TFAP2D: variants seen among roughly 807,000 people sequenced by gnomAD.
The protein encoded by TFAP2D is transcription factor AP-2-delta.
In TFAP2D, 9 loss-of-function variants were observed where a neutral mutation model predicts 43.6. That is an observed-to-expected ratio of 0.21 (90% CI 0.12 to 0.36). The LOEUF is 0.36. TFAP2D is among the 10% of genes least tolerant of loss of function. TFAP2D has a pLI of 1.00. For synonymous variants in TFAP2D, 256 were observed against 224.9 expected, an observed-to-expected ratio of 1.14 and a Z score of -1.24; for missense variants, 513 against 561.4, an observed-to-expected ratio of 0.91 and a Z score of 0.87.
chr6:50,763,567 G>A (rs1769398482), intron 7 of TFAP2D, among the ~76,000 whole-genome samples: 3 of 152,062 alleles, frequency 2.0e-5, no homozygotes, highest in Non-Finnish European at 4.4e-5. Context: ...AATCCATGCA[G>A]CATTTCAGTG....
rs370679010 is a variant in TFAP2D at position 50,715,226 on chromosome 6, C to A, written c.150C>A (p.Thr50=). ...YSSSSPLTYS[T]TGTEFASPYF... ...CCTCCTCTCCTTTAACTTACTCCAC[C>A]ACCGGCACCGAGTTTGCGTCCCCCT... The change falls in exon 2 of 8, where the codon ACC becomes ACA. Residue 50 remains threonine, a synonymous_variant. Coordinates refer to ENST00000008391, the MANE Select transcript of TFAP2D (RefSeq NM_172238.4). 8.1e-6 allele frequency: 13 copies of A among 1,614,074 alleles called. No individual in the cohort carries two copies. The highest frequency in any genetic ancestry group is 1.7e-5 in the Admixed American group (1 of 60,016).
At chr6:50,716,452 AAG>A (rs1167851520) in intron 2 of TFAP2D, among the ~76,000 whole-genome samples, 3 of 140,512 alleles carry the variant, frequency 2.1e-5, no homozygotes, top group Non-Finnish European at 4.8e-5. Context: ...GGAAGGAAGG[AAG>A]GAGAAAAGGA....
chr6:50,749,639 T>C (rs1769172469), intron 6 of TFAP2D, among the ~76,000 whole-genome samples: 1 of 151,846 alleles, frequency 6.6e-6, no homozygotes. Flanking sequence ...TATGATATAC[T>C]CCTCAAAATG....
intron 5 of TFAP2D, among the ~76,000 whole-genome samples, chr6:50,729,734 T>A (rs1015530963): frequency 2.0e-5 from 3 of 152,268 alleles, no homozygotes; most frequent in African/African-American, 4.8e-5. Context: ...GGTCTAGGCA[T>A]GATACTGAGC....
intron 3 of TFAP2D, among the ~76,000 whole-genome samples, chr6:50,719,418 CA>C (rs1314129271): frequency 1.4e-5 from 2 of 146,076 alleles, no homozygotes; most frequent in Non-Finnish European, 3.0e-5. Flanking sequence ...AAGTTAGAGG[CA>C]GAAGGAAAGA....
chr6:50,745,777 G>A (rs1256280423), intron 6 of TFAP2D, among the ~76,000 whole-genome samples: 1 of 151,536 alleles, frequency 6.6e-6, no homozygotes, highest in Admixed American at 6.6e-5. Flanking sequence ...GCCTCATAGT[G>A]TTATTGTCTT....
At chr6:50,727,957 C>T (rs1003174280) in intron 3 of TFAP2D, among the ~76,000 whole-genome samples, 2 of 152,036 alleles carry the variant, frequency 1.3e-5, no homozygotes, top group African/African-American at 4.8e-5. Context: ...CAGTTATTGT[C>T]GACTGCCTGA....
chr6:50,754,491 T>C (rs1216953052), intron 7 of TFAP2D, among the ~76,000 whole-genome samples: 1 of 151,902 alleles, frequency 6.6e-6, no homozygotes, highest in Non-Finnish European at 1.5e-5. Context: ...CTCTTCAAAA[T>C]CCTGGTTTCA....
intron 2 of TFAP2D, among the ~76,000 whole-genome samples, chr6:50,718,618 A>T (rs1228062375): frequency 2.0e-5 from 3 of 152,138 alleles, no homozygotes; most frequent in Non-Finnish European, 2.9e-5. Flanking sequence ...ATGTTCCTAC[A>T]TTTGGGGTAA....
At chr6:50,759,144 G>A (rs1486687981) in intron 7 of TFAP2D, among the ~76,000 whole-genome samples, 1 of 151,992 alleles carries the variant, frequency 6.6e-6, no homozygotes, top group Non-Finnish European at 1.5e-5. Context: ...TTGGCTTTGG[G>A]GAACACATAC....
intron 7 of TFAP2D, among the ~76,000 whole-genome samples, chr6:50,768,458 C>G (rs553185783): frequency 7.2e-5 from 11 of 151,772 alleles, no homozygotes; most frequent in African/African-American, 2.7e-4. Flanking sequence ...ATTGGCATCT[C>G]AAGGCTCTGA....
intron 7 of TFAP2D, among the ~76,000 whole-genome samples, chr6:50,756,152 C>T (rs539527727): frequency 6.6e-6 from 1 of 152,112 alleles, no homozygotes; most frequent in South Asian, 2.1e-4. Flanking sequence ...ATGTGAGCAA[C>T]TGTACCAGGC....
rs994337140 is a variant in TFAP2D, at chr6:50,756,762, A to G, written c.1139+5438A>G. Among the ~76,000 whole-genome samples, 48 of 152,002 alleles carry G rather than the reference A, an allele frequency of 3.2e-4. 2 individuals are homozygous for G. Among genetic ancestry groups the G allele is most frequent in the Non-Finnish European group, 7.4e-5 (5 of 67,970 alleles). On this transcript the variant is annotated intron_variant, in intron 7 of 7. Transcript: ENST00000008391. ...CAACACAAACGAGAAGGGGGAAAAG[A>G]TTTGATTGACATCTGCAGAAGACCC...
At chr6:50,720,122 C>T (rs1049531340) in intron 3 of TFAP2D, among the ~76,000 whole-genome samples, 3 of 152,210 alleles carry the variant, frequency 2.0e-5, no homozygotes, top group Non-Finnish European at 2.9e-5. Flanking sequence ...GTGGTCTATT[C>T]ACCAAGACTA....
At chr6:50,770,590 G>A (rs2113897168) in intron 7 of TFAP2D, among the ~76,000 whole-genome samples, 1 of 152,154 alleles carries the variant, frequency 6.6e-6, no homozygotes, top group Middle Eastern at 3.4e-3. Flanking sequence ...ATCCTTCTGA[G>A]CCCTTTGCGT....
chr6:50,740,387 A>AT (rs1405748739), intron 5 of TFAP2D, among the ~76,000 whole-genome samples: 1 of 152,090 alleles, frequency 6.6e-6, no homozygotes, highest in African/African-American at 2.4e-5. Context: ...GTGTAAAGTA[A>AT]TTTTTTTAAA....
In TFAP2D at chr6:50,773,000, G is replaced by T; in HGVS notation, c.*136G>T. On this transcript the variant is annotated 3_prime_UTR_variant, in exon 8 of 8. Transcript: ENST00000008391. ...AACCCTCCATAAAAAAACAAAAATGGAAATGAAAAATGAAACAAAAAAGGA... is the reference window on the plus strand; with the variant it reads ...AACCCTCCATAAAAAAACAAAAATGTAAATGAAAAATGAAACAAAAAAGGA... 1.1e-5 allele frequency: 7 copies of T among 657,672 alleles called. No homozygotes were observed. The highest frequency in any genetic ancestry group is 1.3e-5 in the Non-Finnish European group (6 of 460,288). The allele number at this position is 657,672 out of a possible 1,614,324, so 40.7% of individuals were successfully genotyped here.
chr6:50,752,752 A>T (rs1268972067), intron 7 of TFAP2D, among the ~76,000 whole-genome samples: 1 of 151,894 alleles, frequency 6.6e-6, no homozygotes, highest in Non-Finnish European at 1.5e-5. Flanking sequence ...TGAGCTAGTG[A>T]TAGAAGTGTA....
In TFAP2D at chr6:50,773,026, C is replaced by CA; in HGVS notation, c.*166dup. 1.9e-6 allele frequency: 1 copy of CA among 531,488 alleles called. No homozygotes were observed. Among genetic ancestry groups the CA allele is most frequent in the South Asian group, 3.7e-5 (1 of 26,996 alleles). The allele number at this position is 531,488 out of a possible 1,614,324, so 32.9% of individuals were successfully genotyped here. On this transcript the variant is annotated 3_prime_UTR_variant, in exon 8 of 8. Coordinates refer to ENST00000008391, the MANE Select transcript of TFAP2D (RefSeq NM_172238.4). The stretch of plus-strand genomic sequence containing the variant: ...AAATGAAAAATGAAACAAAAAAGGA[C>CA]AAAACCAAAAAAAAAAGAAAAAAAA...
Sources: gnomAD v4.1 joint callset for allele counts (sites outside exome capture counted in the v4.1 genomes callset) on GRCh38, gnomAD v4.1.1 for gene constraint, MANE v1.5 for transcripts, NCBI Gene and HGNC (gene_info 2026-07-23, HGNC 2026-07-21) for gene names.